The following WDR48 variants were observed in gnomAD, a reference collection of about 807,000 sequenced individuals.
The protein encoded by WDR48 is WD repeat domain 48.
WDR48 carries 22 observed loss-of-function variants against 94.0 expected under a neutral mutation model. The ratio of observed to expected loss-of-function variants is 0.23; its 90% CI spans 0.17 to 0.33. WDR48 has a LOEUF of 0.33. Among genes scored for constraint, WDR48 ranks in the 10% least tolerant of loss-of-function variants. The pLI is 1.00. For synonymous variants in WDR48, 278 were observed against 280.5 expected, an observed-to-expected ratio of 0.99 and a Z score of 0.09; for missense variants, 541 against 813.8, an observed-to-expected ratio of 0.66 and a Z score of 4.08.
At chr3:39,091,084 C>G (rs910591266) in intron 16 of WDR48, 1 of 152,298 alleles carries the variant, frequency 6.6e-6, no homozygotes, top group Non-Finnish European at 1.5e-5. Context: ...ATGTGGTTTA[C>G]TTCATGGTAG....
intron 5 of WDR48, among the ~76,000 whole-genome samples, chr3:39,067,585 G>A (rs764695013): frequency 2.0e-4 from 30 of 152,146 alleles, no homozygotes; most frequent in Non-Finnish European, 3.4e-4. Context: ...GTTTCAGAAG[G>A]GACTGTTAGG....
chr3:39,078,261 T>A, intron 10 of WDR48, 22 bp downstream of exon 10: 1 of 1,531,290 alleles, frequency 6.5e-7, no homozygotes, highest in Non-Finnish European at 9.0e-7. Flanking sequence ...GAAGGTACTG[T>A]ACCCCTTATT....
chr3:39,067,430 T>C (rs7617413), intron 5 of WDR48, among the ~76,000 whole-genome samples: 15,787 of 152,050 alleles, frequency 0.1, 1,046 homozygotes, highest in East Asian at 0.22. Flanking sequence ...AACGGTAGAG[T>C]GCTTCTAGAG....
intron 15 of WDR48, 36 bp from the exon 16 acceptor site, chr3:39,089,195 T>C (rs1187678119): frequency 6.3e-7 from 1 of 1,590,266 alleles, no homozygotes; most frequent in Non-Finnish European, 8.6e-7. Flanking sequence ...CATCTGTGCT[T>C]GTTGGGTTAC....
At chr3:39,079,141 A>G (rs1320040012) in intron 10 of WDR48, among the ~76,000 whole-genome samples, 1 of 152,210 alleles carries the variant, frequency 6.6e-6, no homozygotes, top group African/African-American at 2.4e-5. Flanking sequence ...ACTTCATAAA[A>G]TACATAGGAT....
intron 2 of WDR48, 98 bp downstream of exon 2, chr3:39,063,288 G>C: frequency 6.8e-7 from 1 of 1,461,200 alleles, no homozygotes; most frequent in Non-Finnish European, 9.3e-7. Flanking sequence ...TAATCTCTCT[G>C]AATGCTGAGT....
At chr3:39,092,609 T>G (rs1482843962) in intron 17 of WDR48, among the ~76,000 whole-genome samples, 1 of 152,220 alleles carries the variant, frequency 6.6e-6, no homozygotes, top group Admixed American at 6.5e-5. Context: ...CAGAAACTTT[T>G]GAGCCAATGT....
intron 4 of WDR48, 27 bp from the exon 5 acceptor site, chr3:39,066,719 G>C: frequency 1.2e-6 from 2 of 1,613,750 alleles, no homozygotes; most frequent in Non-Finnish European, 1.7e-6. Flanking sequence ...CTACAGAATA[G>C]ATCATAGTAT....
At chr3:39,067,554 T>C (rs1326449671) in intron 5 of WDR48, among the ~76,000 whole-genome samples, 1 of 152,154 alleles carries the variant, frequency 6.6e-6, no homozygotes, top group Non-Finnish European at 1.5e-5. Context: ...TGGCCCAACC[T>C]AGTAGAGTCC....
At chr3:39,069,836 C>A in intron 7 of WDR48, 92 bp downstream of exon 7, 5 of 989,464 alleles carry the variant, frequency 5.1e-6, no homozygotes, top group Middle Eastern at 2.2e-4. Context: ...GAACCGAAAG[C>A]CACACTTATT....
chr3:39,069,361 A>C (rs1399088666), intron 6 of WDR48, among the ~76,000 whole-genome samples: 1 of 152,168 alleles, frequency 6.6e-6, no homozygotes, highest in Non-Finnish European at 1.5e-5. Flanking sequence ...ATATATGGAC[A>C]GTGGTTTTGC....
rs2035284869 is a variant in WDR48, at chr3:39,095,230, A to G, written c.*487A>G. 1 of 155,776 alleles carries G rather than the reference A, an allele frequency of 6.4e-6. No individual in the cohort carries two copies. The highest frequency in any genetic ancestry group is 6.3e-5 in the Admixed American group (1 of 15,766). 9.6% of individuals were successfully genotyped at this position (155,776 alleles called of 1,614,324 possible). A position where few individuals can be genotyped will look rare whatever the true frequency, so the allele number is the denominator to read the frequency against. On this transcript the variant is annotated 3_prime_UTR_variant, in exon 19 of 19. Transcript: ENST00000302313. ...CATATAAAGTAATCAAATTGTTTTC[A>G]CCGTTTAAGACAGTTATTTTTAATG...
In WDR48 at chr3:39,077,190, A is replaced by C. The variant is rs753016180; in HGVS notation, c.949A>C (p.Thr317Pro). ...DPPPAIWVAT[T>P]KSTVNKWTLK... ...TCCTCCTGCAATTTGGGTTGCAACA[A>C]CTAAGTCTACAGTAAATAAATGGGT... is the stretch of plus-strand genomic sequence containing the variant. The change falls in exon 9 of 19, where the codon ACT (threonine) becomes CCT (proline). Residue 317 changes from threonine to proline, a missense_variant. Coordinates refer to ENST00000302313, the MANE Select transcript of WDR48 (RefSeq NM_020839.4). The C allele has an allele frequency of 6.2e-7, 1 of 1,614,170 alleles. No homozygotes were observed. The highest frequency in any genetic ancestry group is 8.5e-7 in the Non-Finnish European group (1 of 1,180,022).
chr3:39,063,402 TC>T (rs967085081), intron 2 of WDR48, among the ~76,000 whole-genome samples: 1 of 152,138 alleles, frequency 6.6e-6, no homozygotes, highest in Non-Finnish European at 1.5e-5. Flanking sequence ...AGACAAGGAC[TC>T]CCTAAACTAG....
At chr3:39,089,864 C>T (rs1364802939) in intron 16 of WDR48, 2 of 152,160 alleles carry the variant, frequency 1.3e-5, no homozygotes. Context: ...TAAGATTCTA[C>T]TGTATAAATG....
intron 6 of WDR48, 107 bp from the exon 7 acceptor site, chr3:39,069,536 T>C: frequency 1.0e-6 from 1 of 976,680 alleles, no homozygotes; most frequent in Non-Finnish European, 1.5e-6. Context: ...GAAGTGGTAT[T>C]GCCTTCTCAG....
chr3:39,052,784 C>T (rs2032547756), intron 1 of WDR48, among the ~76,000 whole-genome samples: 1 of 152,004 alleles, frequency 6.6e-6, no homozygotes, highest in South Asian at 2.1e-4. Context: ...TGTCTTGTGC[C>T]TTATGCCTTT....
intron 1 of WDR48, 31 bp downstream of exon 1, chr3:39,052,104 A>C (rs1223672999): frequency 5.6e-6 from 9 of 1,612,396 alleles, no homozygotes; most frequent in Non-Finnish European, 6.8e-6. Context: ...GGTCTTCCGG[A>C]CGCGGCCGGC....
chr3:39,080,671 A>G (rs1166536769), intron 11 of WDR48, among the ~76,000 whole-genome samples: 1 of 152,232 alleles, frequency 6.6e-6, no homozygotes, highest in East Asian at 1.9e-4. Context: ...CCTTATAGAT[A>G]AAGAAGGAAC....
Sources: gnomAD v4.1 joint callset for allele counts (sites outside exome capture counted in the v4.1 genomes callset) on GRCh38, gnomAD v4.1.1 for gene constraint, MANE v1.5 for transcripts, NCBI Gene and HGNC (gene_info 2026-07-23, HGNC 2026-07-21) for gene names.